ADAMTS2: variants seen among roughly 807,000 people sequenced by gnomAD.
The protein encoded by ADAMTS2 is ADAM metallopeptidase with thrombospondin type 1 motif 2, also known as A disintegrin and metalloproteinase with thrombospondin motifs 2.
In ADAMTS2, 50 loss-of-function variants were observed where a neutral mutation model predicts 123.0. That is an observed-to-expected ratio of 0.41 (90% confidence interval 0.32 to 0.51). ADAMTS2 has a LOEUF of 0.51. Ranked by LOEUF, ADAMTS2 falls within the 20% of genes least tolerant of loss-of-function variation. ADAMTS2 has a pLI of 0.35. For missense variants in ADAMTS2, 1,494 were observed against 1,705.2 expected, an observed-to-expected ratio of 0.88 and a Z score of 2.18; for synonymous variants, 678 against 695.4, an observed-to-expected ratio of 0.98 and a Z score of 0.39.
chr5:179,165,705 G>T lies in ADAMTS2; in HGVS notation c.976-6826C>A, dbSNP rs549711758. 2.6e-5 allele frequency among the ~76,000 whole-genome samples: 4 copies of T among 152,292 alleles called. No homozygotes were observed. The East Asian group carries it at 7.7e-4, about 29-fold the overall frequency. On this transcript the variant is annotated intron_variant, in intron 5 of 21. Coordinates refer to ENST00000251582, the MANE Select transcript of ADAMTS2 (RefSeq NM_014244.5). ...ATGGACATTTCGAGGCCCTGGGGCT[G>T]CATGGTAGCTGCAGGGTCCACCTCC...
At chr5:179,280,302 G>A (rs1319369565) in intron 2 of ADAMTS2, among the ~76,000 whole-genome samples, 10 of 152,322 alleles carry the variant, frequency 6.6e-5, no homozygotes, top group Non-Finnish European at 8.8e-5. Context: ...GGCAGGGTGG[G>A]GGGCGAGGCA....
chr5:179,193,084 C>G (rs1048044044), intron 4 of ADAMTS2, among the ~76,000 whole-genome samples: 3 of 152,146 alleles, frequency 2.0e-5, no homozygotes. Flanking sequence ...ACTCTGTGAC[C>G]AAAACCAGCT....
intron 2 of ADAMTS2, among the ~76,000 whole-genome samples, chr5:179,322,258 A>C (rs551119578): frequency 5.9e-5 from 9 of 152,350 alleles, no homozygotes; most frequent in Admixed American, 2.0e-4. Flanking sequence ...GAATGCCAAA[A>C]TCTGATGGGA....
intron 3 of ADAMTS2, among the ~76,000 whole-genome samples, chr5:179,250,282 A>G (rs1402726769): frequency 6.6e-6 from 1 of 152,256 alleles, no homozygotes; most frequent in East Asian, 1.9e-4. Context: ...CCTGTATTCA[A>G]CATAGTACCG....
chr5:179,126,545 T>C (rs1367445998), intron 17 of ADAMTS2, among the ~76,000 whole-genome samples: 2 of 152,324 alleles, frequency 1.3e-5, no homozygotes, highest in East Asian at 3.9e-4. Flanking sequence ...CCCGGGTGAT[T>C]TTCTCCAGCA....
intron 3 of ADAMTS2, among the ~76,000 whole-genome samples, chr5:179,266,405 G>A (rs1766373302): frequency 6.7e-6 from 1 of 148,456 alleles, no homozygotes; most frequent in Non-Finnish European, 1.5e-5. Flanking sequence ...TATAGAAGAG[G>A]AGAAGCCACG....
Position 179,128,237 on chromosome 5 carries a change from A to G in ADAMTS2, c.2458-119T>C. 1 of 1,305,486 alleles carries G rather than the reference A, an allele frequency of 7.7e-7. No homozygotes were observed. 80.9% of individuals were successfully genotyped at this position (1,305,486 alleles called of 1,614,324 possible). On this transcript the variant is annotated intron_variant, in intron 16 of 21. Transcript: ENST00000251582. This position sits in a 1 kb window ranked among gnomAD's most constrained non-coding sequence, Gnocchi z 4.9. ...GAGTCTCATCATTCATGGCAGTTAC[A>G]TTCCATGAAGTCGCCCCGAGCACCA...
At chr5:179,268,462 G>A (rs1422326264) in intron 3 of ADAMTS2, among the ~76,000 whole-genome samples, 1 of 152,222 alleles carries the variant, frequency 6.6e-6, no homozygotes, top group Non-Finnish European at 1.5e-5. Flanking sequence ...CTGTGTGTCT[G>A]AAACAGAGAC....
chr5:179,328,015 G>A (rs1351776825), intron 2 of ADAMTS2, among the ~76,000 whole-genome samples: 1 of 152,118 alleles, frequency 6.6e-6, no homozygotes, highest in African/African-American at 2.4e-5. Flanking sequence ...ACATCCAAGC[G>A]AGAGATTTAG....
chr5:179,208,353 C>T (rs907190125), intron 3 of ADAMTS2, among the ~76,000 whole-genome samples: 6 of 152,228 alleles, frequency 3.9e-5, no homozygotes, highest in African/African-American at 1.4e-4. Context: ...TGAAGCGAGG[C>T]CCCACATCTC....
At chr5:179,212,956 AG>A (rs1764896280) in intron 3 of ADAMTS2, among the ~76,000 whole-genome samples, 1 of 152,080 alleles carries the variant, frequency 6.6e-6, no homozygotes, top group Admixed American at 6.5e-5. Context: ...GGCCAAATTT[AG>A]GCCCCCTGAA....
intron 10 of ADAMTS2, among the ~76,000 whole-genome samples, chr5:179,143,013 T>C (rs1763195913): frequency 6.6e-6 from 1 of 152,146 alleles, no homozygotes; most frequent in Non-Finnish European, 1.5e-5. Context: ...AGACAAAGAT[T>C]TCAAAGCAGC....
rs1346716161 is a variant in ADAMTS2 at position 179,155,502 on chromosome 5, C to T, written c.1133-583G>A. ...GCTGTTCAGCCGATGGGCCACACTA[C>T]CCTGCAGAATATCCCAGCAGGGGGC... On this transcript the variant is annotated intron_variant, in intron 6 of 21. Transcript: ENST00000251582. This position sits in a 1 kb window ranked among gnomAD's most constrained non-coding sequence, Gnocchi z 5.1. 6.6e-6 allele frequency among the ~76,000 whole-genome samples: 1 copy of T among 152,218 alleles called. No individual in the cohort carries two copies.
At chr5:179,190,020 G>A (rs188390946) in intron 4 of ADAMTS2, among the ~76,000 whole-genome samples, 1 of 152,308 alleles carries the variant, frequency 6.6e-6, no homozygotes, top group East Asian at 1.9e-4. Flanking sequence ...ATGGTGGAAT[G>A]CCATCAGTTA....
intron 4 of ADAMTS2, among the ~76,000 whole-genome samples, chr5:179,195,347 G>C (rs1764402409): frequency 6.6e-6 from 1 of 152,228 alleles, no homozygotes; most frequent in Non-Finnish European, 1.5e-5. Flanking sequence ...AGCAGGACAG[G>C]CAGTCGCCTC....
rs139421646 is a variant in ADAMTS2 at position 179,188,734 on chromosome 5, C to G, written c.892-7579G>C. Among the ~76,000 whole-genome samples the G allele has an allele frequency of 1.3e-5, 2 of 152,122 alleles. No individual in the cohort carries two copies. The highest frequency in any genetic ancestry group is 4.8e-5 in the African/African-American group (2 of 41,410). ...CAAGGCCACCCCCTCACTCCTCAGG[C>G]GACGTCTCCTGTGCCTGTCCACACT... On this transcript the variant is annotated intron_variant, in intron 4 of 21. Transcript: ENST00000251582. This position sits in a 1 kb window ranked among gnomAD's most constrained non-coding sequence, Gnocchi z 5.1.
At chr5:179,250,654 G>T (rs1207037024) in intron 3 of ADAMTS2, among the ~76,000 whole-genome samples, 2 of 152,216 alleles carry the variant, frequency 1.3e-5, no homozygotes, top group East Asian at 3.8e-4. Flanking sequence ...GGGTGACGCA[G>T]CATTACCTGC....
At position 179,344,138 on chromosome 5, in the gene ADAMTS2, C is replaced by T. The variant is rs1428546169; in HGVS notation, c.163G>A (p.Glu55Lys). 4 of 1,601,722 alleles carry T rather than the reference C, an allele frequency of 2.5e-6. No homozygotes were observed. The highest frequency in any genetic ancestry group is 3.4e-6 in the Non-Finnish European group (4 of 1,174,772). ...PPGGPLGHGA[E>K]RILAVPVRTD... Reference sequence around the variant, plus strand: ...CGCACGGGCACCGCCAGGATGCGCTCCGCTCCGTGCCCCAGGGGCCCGCCT... The same window carrying T: ...CGCACGGGCACCGCCAGGATGCGCTTCGCTCCGTGCCCCAGGGGCCCGCCT... Residue 55 changes from glutamate to lysine, a missense_variant, in exon 2 of 22, where the codon GAG (glutamate) becomes AAG (lysine). Physicochemically the swap from Glu to Lys is moderately conservative, Grantham distance 56 (BLOSUM62 1). This residue lies in a region of ADAMTS2 where 237 missense variants were observed against 233.7 expected (regional missense o/e 1.01). Transcript: ENST00000251582.
In ADAMTS2 at chr5:179,188,503, C is replaced by T. The variant is rs1040859213; in HGVS notation, c.892-7348G>A. 5.9e-5 allele frequency among the ~76,000 whole-genome samples: 9 copies of T among 152,176 alleles called. No homozygotes were observed. The highest frequency in any genetic ancestry group is 4.1e-4 in the South Asian group (2 of 4,828). On this transcript the variant is annotated intron_variant, in intron 4 of 21. Coordinates refer to ENST00000251582, the MANE Select transcript of ADAMTS2 (RefSeq NM_014244.5). This position sits in a 1 kb window ranked among gnomAD's most constrained non-coding sequence, Gnocchi z 5.1. ...AGCCTGGGCTTATCATGAGAATCAA[C>T]GTTCCCATTGCAGATCTTCTTCACC...
Sources: gnomAD v4.1 joint callset for allele counts (sites outside exome capture counted in the v4.1 genomes callset) on GRCh38, gnomAD v4.1.1 for gene constraint, gnomAD v4.1.1 regional missense constraint, Gnocchi (gnomAD v3.1) non-coding constraint, MANE v1.5 for transcripts, NCBI Gene and HGNC (gene_info 2026-07-23, HGNC 2026-07-21) for gene names.